The following CDX1 variants were observed in gnomAD, a reference collection of about 807,000 sequenced individuals.
CDX1 encodes the protein caudal type homeobox 1.
Under a neutral mutation model 16.9 loss-of-function variants are expected in CDX1, and 9 were observed. The ratio of observed to expected loss-of-function variants is 0.53; its 90% CI spans 0.32 to 0.93. The LOEUF (loss-of-function observed/expected upper bound fraction) is 0.93, where lower values mean the gene tolerates loss of function less well. Among genes scored for constraint, CDX1 ranks in the 40% least tolerant of loss-of-function variants. The pLI is 0.04. For synonymous variants in CDX1, 179 were observed against 179.0 expected, an observed-to-expected ratio of 1.00 and a Z score of 0.00; for missense variants, 393 against 386.1, an observed-to-expected ratio of 1.02 and a Z score of -0.15.
rs1446461547 is a variant in CDX1 at position 150,166,881 on chromosome 5, A to C, written c.5A>C (p.Tyr2Ser). 31 of 1,502,798 alleles carry C rather than the reference A, an allele frequency of 2.1e-5. No individual in the cohort carries two copies. The highest frequency in any genetic ancestry group is 2.6e-5 in the Non-Finnish European group (29 of 1,131,442). 93.1% of individuals were successfully genotyped at this position (1,502,798 alleles called of 1,614,324 possible). The change falls in exon 1 of 3, where the codon TAT becomes TCT. Residue 2 changes from tyrosine (Y) to serine (S), a missense_variant. Physicochemically the swap from Tyr to Ser is moderately radical, Grantham distance 144. Coordinates refer to ENST00000231656, the MANE Select transcript of CDX1 (RefSeq NM_001804.3). ...GCGGGGGACCCCGCGGCCACCATGT[A>C]TGTGGGCTATGTGCTGGACAAGGAT... is the stretch of plus-strand genomic sequence containing the variant. MYVGYVLDKDSP... is the reference protein window; with the variant it reads MSVGYVLDKDSP...
chr5:150,182,798 T>C lies in CDX1; in HGVS notation c.476T>C (p.Val159Ala), dbSNP rs138123617. 3 of 1,605,068 alleles carry C rather than the reference T, an allele frequency of 1.9e-6. No individual in the cohort carries two copies. Among genetic ancestry groups the C allele is most frequent in the African/African-American group, 2.7e-5 (2 of 74,190 alleles). Reference sequence around the variant, plus strand: ...ACTCGGACCAAGGACAAGTACCGCGTGGTCTACACCGACCACCAACGCCTG... The same window carrying C: ...ACTCGGACCAAGGACAAGTACCGCGCGGTCTACACCGACCACCAACGCCTG... ...GKTRTKDKYRVVYTDHQRLEL... is the reference protein window; with the variant it reads ...GKTRTKDKYRAVYTDHQRLEL... Residue 159 changes from valine (V) to alanine (A), a missense_variant, in exon 2 of 3, where the codon GTG becomes GCG. Val to Ala is a moderately conservative substitution (Grantham distance 64). Transcript: ENST00000231656.
chr5:150,170,705 G>A (rs1248968730), intron 1 of CDX1, among the ~76,000 whole-genome samples: 1 of 152,158 alleles, frequency 6.6e-6, no homozygotes, highest in Admixed American at 6.5e-5. Flanking sequence ...TAAGACTTCA[G>A]TTTCTTCTAA....
chr5:150,178,514 C>G (rs531254383), intron 1 of CDX1, among the ~76,000 whole-genome samples: 2 of 150,872 alleles, frequency 1.3e-5, no homozygotes, highest in African/African-American at 5.0e-5. Flanking sequence ...CCTCTCCCCA[C>G]CCCACTGCTC....
chr5:150,182,716 G>C, intron 1 of CDX1, 52 bp from the exon 2 acceptor site: 1 of 1,495,028 alleles, frequency 6.7e-7, no homozygotes, highest in Non-Finnish European at 8.9e-7. Flanking sequence ...GGCCTTTTTT[G>C]TAGCCTCCTC....
At chr5:150,169,605 C>T (rs1471389308) in intron 1 of CDX1, among the ~76,000 whole-genome samples, 5 of 152,164 alleles carry the variant, frequency 3.3e-5, no homozygotes, top group Non-Finnish European at 7.4e-5. Context: ...AGGCCAAGCC[C>T]CTCCTGTCTT....
rs1207526250 is a variant in CDX1, at chr5:150,182,799, G to A, written c.477G>A (p.Val159=). 8 of 1,611,010 alleles carry A rather than the reference G, an allele frequency of 5.0e-6. No individual in the cohort carries two copies. In the African/African-American group the frequency reaches 9.4e-5, roughly 19 times the overall value. Residue 159 remains valine, a synonymous_variant, in exon 2 of 3, where the codon GTG becomes GTA. Coordinates refer to ENST00000231656, the MANE Select transcript of CDX1 (RefSeq NM_001804.3). ...CTCGGACCAAGGACAAGTACCGCGT[G>A]GTCTACACCGACCACCAACGCCTGG... is the stretch of plus-strand genomic sequence containing the variant. The part of the protein sequence containing the change: ...GKTRTKDKYR[V]VYTDHQRLEL...
intron 1 of CDX1, among the ~76,000 whole-genome samples, chr5:150,182,122 A>G (rs1752451700): frequency 6.6e-6 from 1 of 152,196 alleles, no homozygotes; most frequent in Non-Finnish European, 1.5e-5. Flanking sequence ...GGACAGTTCC[A>G]GATTCTTTCT....
At chr5:150,178,396 A>G (rs540700848) in intron 1 of CDX1, among the ~76,000 whole-genome samples, 3 of 152,278 alleles carry the variant, frequency 2.0e-5, no homozygotes, top group East Asian at 1.9e-4. Context: ...AGGATTACTT[A>G]TTAGGTGGCT....
intron 1 of CDX1, among the ~76,000 whole-genome samples, chr5:150,180,949 T>G (rs529796971): frequency 6.6e-6 from 1 of 152,234 alleles, no homozygotes; most frequent in Non-Finnish European, 1.5e-5. Context: ...TTACGGCAGC[T>G]CTCCCTGCAC....
At position 150,182,869 on chromosome 5, in the gene CDX1, C is replaced by A. The variant is rs140956520; in HGVS notation, c.547C>A (p.Arg183=). Residue 183 remains arginine, a synonymous_variant, in exon 2 of 3, where the codon CGG becomes AGG. Coordinates refer to ENST00000231656, the MANE Select transcript of CDX1 (RefSeq NM_001804.3). ...FHYSRYITIR[R]KSELAANLGL... ...TTACAGCCGTTACATCACAATCCGGCGGAAATCAGAGCTGGCTGCCAATCT... is the reference window on the plus strand; with the variant it reads ...TTACAGCCGTTACATCACAATCCGGAGGAAATCAGAGCTGGCTGCCAATCT... 45 of 1,612,900 alleles carry A rather than the reference C, an allele frequency of 2.8e-5. No individual in the cohort carries two copies. In the African/African-American group the frequency reaches 5.1e-4, roughly 18 times the overall value.
chr5:150,175,046 G>T (rs1174036144), intron 1 of CDX1, among the ~76,000 whole-genome samples: 1 of 151,614 alleles, frequency 6.6e-6, no homozygotes, highest in Non-Finnish European at 1.5e-5. Context: ...CAAAGTGCTG[G>T]GATTACAGGC....
chr5:150,182,786 A>G lies in CDX1; in HGVS notation c.464A>G (p.Asp155Gly). The change falls in exon 2 of 3, where the codon GAC becomes GGC. Residue 155 changes from aspartate to glycine, a missense_variant. By Grantham distance (94) the Asp-to-Gly change is moderately conservative (BLOSUM62 -1). Coordinates refer to ENST00000231656, the MANE Select transcript of CDX1 (RefSeq NM_001804.3). ...TTCTCAGGTAAGACTCGGACCAAGG[A>G]CAAGTACCGCGTGGTCTACACCGAC... ...GGGSGKTRTK[D>G]KYRVVYTDHQ... is the part of the protein sequence containing the mutation. 1 of 1,595,730 alleles carries G rather than the reference A, an allele frequency of 6.3e-7. No individual in the cohort carries two copies. The highest frequency in any genetic ancestry group is 8.5e-7 in the Non-Finnish European group (1 of 1,172,232).
intron 1 of CDX1, among the ~76,000 whole-genome samples, chr5:150,170,286 C>T (rs1465866074): frequency 6.6e-6 from 1 of 152,240 alleles, no homozygotes; most frequent in African/African-American, 2.4e-5. Context: ...CTCCCCACTA[C>T]ACCCATCACG....
chr5:150,182,866 C>A lies in CDX1; in HGVS notation c.544C>A (p.Arg182=). Residue 182 remains arginine, a synonymous_variant, in exon 2 of 3, where the codon CGG becomes AGG. Coordinates refer to ENST00000231656, the MANE Select transcript of CDX1 (RefSeq NM_001804.3). Reference sequence around the variant, plus strand: ...TCATTACAGCCGTTACATCACAATCCGGCGGAAATCAGAGCTGGCTGCCAA... The same window carrying A: ...TCATTACAGCCGTTACATCACAATCAGGCGGAAATCAGAGCTGGCTGCCAA... ...EFHYSRYITI[R]RKSELAANLG... 1 of 1,613,092 alleles carries A rather than the reference C, an allele frequency of 6.2e-7. No individual in the cohort carries two copies. The highest frequency in any genetic ancestry group is 8.5e-7 in the Non-Finnish European group (1 of 1,179,566).
chr5:150,174,749 G>C (rs2113950778), intron 1 of CDX1, among the ~76,000 whole-genome samples: 1 of 149,682 alleles, frequency 6.7e-6, no homozygotes, highest in Admixed American at 6.6e-5. Flanking sequence ...TAAGCTCCTT[G>C]TTCTTGCATT....
At chr5:150,167,892 C>G (rs915841498) in intron 1 of CDX1, among the ~76,000 whole-genome samples, 1 of 152,230 alleles carries the variant, frequency 6.6e-6, no homozygotes, top group Non-Finnish European at 1.5e-5. Flanking sequence ...TCTCAGGGTC[C>G]TCCCTGAACT....
At chr5:150,175,542 C>T (rs961498821) in intron 1 of CDX1, among the ~76,000 whole-genome samples, 2 of 152,308 alleles carry the variant, frequency 1.3e-5, no homozygotes, top group East Asian at 3.9e-4. Context: ...CCCCTTTCCC[C>T]GCTCCCATGC....
intron 1 of CDX1, among the ~76,000 whole-genome samples, chr5:150,170,636 C>G (rs1322423184): frequency 6.6e-6 from 1 of 152,164 alleles, no homozygotes; most frequent in Non-Finnish European, 1.5e-5. Context: ...CTGCCTCTGT[C>G]TCTCCACTTG....
chr5:150,170,914 T>C (rs538988466), intron 1 of CDX1, among the ~76,000 whole-genome samples: 2 of 152,304 alleles, frequency 1.3e-5, no homozygotes, highest in East Asian at 1.9e-4. Flanking sequence ...AATATCATCA[T>C]TTTCATTAGG....
Sources: allele counts gnomAD v4.1 joint callset (sites outside exome capture counted in the v4.1 genomes callset), GRCh38; gene constraint gnomAD v4.1.1; transcripts MANE v1.5; gene names NCBI Gene and HGNC (gene_info 2026-07-23, HGNC 2026-07-21).